The following SDK2 variants were observed in gnomAD, a reference collection of about 807,000 sequenced individuals.
SDK2 encodes sidekick cell adhesion molecule 2, also known as protein sidekick-2.
Under a neutral mutation model 253.9 loss-of-function variants are expected in SDK2, and 105 were observed. The observed-to-expected ratio is 0.41, with a 90% CI of 0.35 to 0.49. The LOEUF (loss-of-function observed/expected upper bound fraction) is 0.49. Among genes scored for constraint, SDK2 ranks in the 20% least tolerant of loss-of-function variants. The pLI is 0.06. For missense variants in SDK2, 2,608 were observed against 3,003.0 expected, an observed-to-expected ratio of 0.87 and a Z score of 3.07; for synonymous variants, 1,249 against 1,234.9, an observed-to-expected ratio of 1.01 and a Z score of -0.24.
intron 38 of SDK2, among the ~76,000 whole-genome samples, chr17:73,362,194 A>G (rs780020968): frequency 6.6e-6 from 1 of 152,112 alleles, no homozygotes; most frequent in Non-Finnish European, 1.5e-5. Flanking sequence ...TGCACCCCAA[A>G]TATGTTTCGG....
In SDK2 at chr17:73,348,802, G is replaced by T. The variant is rs1054512835; in HGVS notation, c.6039-77C>A. On this transcript the variant is annotated intron_variant, in intron 43 of 44. Coordinates refer to ENST00000392650, the MANE Select transcript of SDK2 (RefSeq NM_001144952.2). The stretch of plus-strand genomic sequence containing the variant: ...TCCCCTGGCCTAGGGAGACCACAGT[G>T]GGGGCCTGGGGAACACGGATCCCTG... 13 of 1,195,096 alleles carry T rather than the reference G, an allele frequency of 1.1e-5. No homozygotes were observed. The African/African-American group carries it at 1.8e-4, about 16-fold the overall frequency. 74.0% of individuals were successfully genotyped at this position (1,195,096 alleles called of 1,614,324 possible).
chr17:73,566,423 T>C (rs2045313954), intron 1 of SDK2, among the ~76,000 whole-genome samples: 1 of 149,808 alleles, frequency 6.7e-6, no homozygotes, highest in South Asian at 2.1e-4. Flanking sequence ...GTACTGAGAG[T>C]GGAGTGTTGC....
intron 4 of SDK2, among the ~76,000 whole-genome samples, chr17:73,449,035 G>T (rs930304214): frequency 6.6e-6 from 1 of 152,124 alleles, no homozygotes; most frequent in African/African-American, 2.4e-5. Context: ...AAAGAGGCTG[G>T]TGTGTTTTGG....
chr17:73,353,519 C>A (rs1490028706), intron 40 of SDK2, among the ~76,000 whole-genome samples: 1 of 152,068 alleles, frequency 6.6e-6, no homozygotes, highest in Non-Finnish European at 1.5e-5. Context: ...CTCCCGAGTT[C>A]AAGCGATTCT....
Position 73,365,261 on chromosome 17 carries a change from C to T in SDK2, c.5302G>A (p.Asp1768Asn). Residue 1768 changes from aspartate (D) to asparagine (N), a missense_variant, in exon 38 of 45, where the codon GAT (aspartate) becomes AAT (asparagine). Physicochemically the swap from Asp to Asn is conservative, Grantham distance 23. Coordinates refer to ENST00000392650, the MANE Select transcript of SDK2 (RefSeq NM_001144952.2). ...RLVYEPCSPV[D>N]GVSKIVTVDV... ...CTGTGCTGGGGGGTCCACTCACCAT[C>T]CACGGGGCTGCAGGGCTCGTACACC... 1.2e-6 allele frequency: 2 copies of T among 1,603,586 alleles called. No homozygotes were observed. The highest frequency in any genetic ancestry group is 1.7e-6 in the Non-Finnish European group (2 of 1,175,406).
chr17:73,485,673 A>G (rs1225681985), intron 2 of SDK2, among the ~76,000 whole-genome samples: 1 of 152,238 alleles, frequency 6.6e-6, no homozygotes, highest in African/African-American at 2.4e-5. Context: ...AACAATATCA[A>G]GTGTAATGTT....
intron 4 of SDK2, among the ~76,000 whole-genome samples, chr17:73,449,658 C>T (rs1445824491): frequency 6.0e-5 from 9 of 149,314 alleles, no homozygotes; most frequent in Middle Eastern, 3.4e-3. Flanking sequence ...CAGTGGCTCA[C>T]GCCTGTAATC....
At position 73,435,501 on chromosome 17, in the gene SDK2, C is replaced by T. The variant is rs148243066; in HGVS notation, c.1144G>A (p.Ala382Thr). ...TGCACCTCGCCGGCTGCATTGCGGGCGAAGCACTGGAACATGCCGGTATCA... is the reference window on the plus strand; with the variant it reads ...TGCACCTCGCCGGCTGCATTGCGGGTGAAGCACTGGAACATGCCGGTATCA... ...PDDTGMFQCF[A>T]RNAAGEVQTS... The change falls in exon 9 of 45, where the codon GCC becomes ACC. Residue 382 changes from alanine to threonine, a missense_variant. Physicochemically the swap from Ala to Thr is moderately conservative, Grantham distance 58. Coordinates refer to ENST00000392650, the MANE Select transcript of SDK2 (RefSeq NM_001144952.2). This position sits in a 1 kb window ranked among gnomAD's most constrained non-coding sequence, Gnocchi z 5.7. 32 of 1,600,834 alleles carry T rather than the reference C, an allele frequency of 2.0e-5. No homozygotes were observed. The highest frequency in any genetic ancestry group is 1.1e-4 in the African/African-American group (8 of 74,658).
chr17:73,430,461 C>A (rs1310188586), intron 12 of SDK2, 50 bp downstream of exon 12: 2 of 1,407,738 alleles, frequency 1.4e-6, no homozygotes, highest in African/African-American at 2.8e-5. Flanking sequence ...CAAGCTATTG[C>A]CAGAGGCTCC....
intron 1 of SDK2, among the ~76,000 whole-genome samples, chr17:73,524,985 C>T (rs1271450548): frequency 6.6e-6 from 1 of 152,254 alleles, no homozygotes; most frequent in Non-Finnish European, 1.5e-5. Context: ...CACATGCATC[C>T]CATGGGTGAG....
intron 41 of SDK2, among the ~76,000 whole-genome samples, chr17:73,351,507 G>A (rs2145397894): frequency 6.6e-6 from 1 of 152,298 alleles, no homozygotes; most frequent in South Asian, 2.1e-4. Flanking sequence ...GCAGGAGGAT[G>A]AGAGAGCTTT....
rs530805426 is a variant in SDK2, at chr17:73,528,638, A to AT, written c.65-21042dup. 1.1e-4 allele frequency among the ~76,000 whole-genome samples: 17 copies of AT among 152,232 alleles called. No homozygotes were observed. In the East Asian group the frequency reaches 3.1e-3, roughly 28 times the overall value. ...TGCTTGCTCTCTGTTCTCCACTGTG[A>AT]TCCCCTAAGCCAGGGGCTGAGGCCT... On this transcript the variant is annotated intron_variant, in intron 1 of 44. Coordinates refer to ENST00000392650, the MANE Select transcript of SDK2 (RefSeq NM_001144952.2).
chr17:73,484,942 C>T (rs2063760631), intron 2 of SDK2, among the ~76,000 whole-genome samples: 1 of 152,212 alleles, frequency 6.6e-6, no homozygotes, highest in African/African-American at 2.4e-5. Flanking sequence ...CCATGAGCCA[C>T]TGTGCCTGGG....
chr17:73,410,027 T>G (rs956650664), intron 18 of SDK2, among the ~76,000 whole-genome samples: 3 of 152,194 alleles, frequency 2.0e-5, no homozygotes, highest in Middle Eastern at 6.8e-3. Flanking sequence ...ACTAACTTTT[T>G]TGTGTGTGTA....
intron 3 of SDK2, among the ~76,000 whole-genome samples, chr17:73,470,483 C>T (rs1001177935): frequency 6.6e-6 from 1 of 152,222 alleles, no homozygotes; most frequent in Non-Finnish European, 1.5e-5. Context: ...CTCAGCTTCC[C>T]CCTGCCCCCT....
At chr17:73,340,423 C>T (rs571952181) in intron 44 of SDK2, among the ~76,000 whole-genome samples, 5 of 152,322 alleles carry the variant, frequency 3.3e-5, no homozygotes, top group African/African-American at 4.8e-5. Context: ...CAGGGATTAA[C>T]TTATTTGGGA....
chr17:73,462,729 A>C (rs1389529536), intron 3 of SDK2, among the ~76,000 whole-genome samples: 2 of 152,120 alleles, frequency 1.3e-5, no homozygotes, highest in Non-Finnish European at 2.9e-5. Context: ...GGATGGAAGC[A>C]GGTAGGGCAC....
At chr17:73,518,741 C>G (rs1027828876) in intron 1 of SDK2, 1 of 152,106 alleles carries the variant, frequency 6.6e-6, no homozygotes, top group Non-Finnish European at 1.5e-5. Flanking sequence ...ATAAAAGTGG[C>G]GATAATAAAA....
intron 29 of SDK2, among the ~76,000 whole-genome samples, chr17:73,389,857 C>T (rs920923790): frequency 2.0e-5 from 3 of 152,218 alleles, no homozygotes; most frequent in African/African-American, 7.2e-5. Context: ...TCAAGTGATT[C>T]TCGTGTCTCA....
Sources: gnomAD v4.1 joint callset for allele counts (sites outside exome capture counted in the v4.1 genomes callset) on GRCh38, gnomAD v4.1.1 for gene constraint, Gnocchi (gnomAD v3.1) non-coding constraint, MANE v1.5 for transcripts, NCBI Gene and HGNC (gene_info 2026-07-23, HGNC 2026-07-21) for gene names.